Variants in CNTRL observed in about 807,000 individuals in gnomAD.
CNTRL encodes the protein 110 kDa centrosomal protein.
In CNTRL, 233 loss-of-function variants were observed where a neutral mutation model predicts 303.7. The ratio of observed to expected loss-of-function variants is 0.77; its 90% CI spans 0.69 to 0.86. The LOEUF is 0.86. CNTRL is among the 40% of genes least tolerant of loss of function. The pLI, the probability that CNTRL is intolerant of heterozygous loss-of-function variation, is 0.00. For synonymous variants in CNTRL, 900 were observed against 922.2 expected, an observed-to-expected ratio of 0.98 and a Z score of 0.44; for missense variants, 2,524 against 2,650.6, an observed-to-expected ratio of 0.95 and a Z score of 1.05.
At chr9:121,093,656 A>G (rs74379935) in intron 4 of CNTRL, among the ~76,000 whole-genome samples, 2,527 of 152,350 alleles carry the variant, frequency 0.017, 69 homozygotes, top group African/African-American at 0.058. Flanking sequence ...GGTGATTTAT[A>G]TAGAAGAAAT....
Position 121,177,384 on chromosome 9 carries a change from T to A in CNTRL, c.*198T>A, listed in dbSNP as rs2053568607. Reference sequence around the variant, plus strand: ...TTGTACATAGTACATATGGGAATAGTTGCATATGGGAATTTAAACCAACAT... The same window carrying A: ...TTGTACATAGTACATATGGGAATAGATGCATATGGGAATTTAAACCAACAT... On this transcript the variant is annotated 3_prime_UTR_variant, in exon 44 of 44. Coordinates refer to ENST00000373855, the MANE Select transcript of CNTRL (RefSeq NM_007018.6). 2.2e-6 allele frequency: 1 copy of A among 449,556 alleles called. No homozygotes were observed. Among genetic ancestry groups the A allele is most frequent in the Non-Finnish European group, 3.9e-6 (1 of 256,528 alleles). 27.8% of individuals were successfully genotyped at this position (449,556 alleles called of 1,614,324 possible).
chr9:121,116,898 G>A (rs2050001699), intron 11 of CNTRL, among the ~76,000 whole-genome samples: 1 of 152,208 alleles, frequency 6.6e-6, no homozygotes. Flanking sequence ...GAAAGTAGGA[G>A]ATGAGGTAGA....
In CNTRL at chr9:121,135,790, C is replaced by T; in HGVS notation, c.2026-16C>T. On this transcript the variant is annotated splice_polypyrimidine_tract_variant and intron_variant, in intron 14 of 43. Transcript: ENST00000373855. ...ACAGTGAGGGTTCCATAGTTAAACC[C>T]ACTGAATCTTTCTAGGAGCTTGCAG... 2 of 1,596,010 alleles carry T rather than the reference C, an allele frequency of 1.3e-6. No homozygotes were observed. The highest frequency in any genetic ancestry group is 1.1e-5 in the South Asian group (1 of 89,032).
At chr9:121,175,666 T>G (rs1309134271) in intron 43 of CNTRL, among the ~76,000 whole-genome samples, 1 of 152,194 alleles carries the variant, frequency 6.6e-6, no homozygotes, top group African/African-American at 2.4e-5. Context: ...AAATATAGAT[T>G]ATGCCGCCTT....
chr9:121,089,922 T>C (rs1416610686), intron 3 of CNTRL, among the ~76,000 whole-genome samples: 4 of 152,162 alleles, frequency 2.6e-5, no homozygotes, highest in Non-Finnish European at 5.9e-5. Context: ...AGCCCAAAGC[T>C]TGGCACACAC....
chr9:121,090,173 A>G lies in CNTRL; in HGVS notation c.218-102A>G. On this transcript the variant is annotated intron_variant, in intron 3 of 43. Transcript: ENST00000373855. ...AATAGCCAGCTTTTTTGGTATATTC[A>G]TGGCTTAATTTTTGTTTTTGTTACA... 8.8e-6 allele frequency: 9 copies of G among 1,028,274 alleles called. No homozygotes were observed. The Middle Eastern group carries it at 1.0e-3, about 119-fold the overall frequency. 63.7% of individuals were successfully genotyped at this position (1,028,274 alleles called of 1,614,324 possible). A position where few individuals can be genotyped will look rare whatever the true frequency, so the allele number is the denominator to read the frequency against.
rs2051749948 is a variant in CNTRL at position 121,144,928 on chromosome 9, T to G, written c.3137T>G (p.Leu1046Arg). Reference sequence around the variant, plus strand: ...CGAGCAGAAGCTGAGATCGAACTCCTGCAGAATCTCCTCAGGCAGAAGGGG... The same window carrying G: ...CGAGCAGAAGCTGAGATCGAACTCCGGCAGAATCTCCTCAGGCAGAAGGGG... ...LTRAEAEIELLQNLLRQKGEQ... is the reference protein window; with the variant it reads ...LTRAEAEIELRQNLLRQKGEQ... The change falls in exon 21 of 44, where the codon CTG becomes CGG. Residue 1046 changes from leucine (L) to arginine (R), a missense_variant. Coordinates refer to ENST00000373855, the MANE Select transcript of CNTRL (RefSeq NM_007018.6). The G allele has an allele frequency of 6.2e-7, 1 of 1,613,584 alleles. No individual in the cohort carries two copies. The highest frequency in any genetic ancestry group is 8.5e-7 in the Non-Finnish European group (1 of 1,179,870).
intron 4 of CNTRL, 21 bp from the exon 5 acceptor site, chr9:121,094,867 C>T (rs2132488954): frequency 6.6e-7 from 1 of 1,508,432 alleles, no homozygotes; most frequent in Non-Finnish European, 9.0e-7. Context: ...GTAAAGTATT[C>T]ATTCATTTGT....
chr9:121,122,665 A>T (rs969699466), intron 12 of CNTRL, among the ~76,000 whole-genome samples: 1 of 152,196 alleles, frequency 6.6e-6, no homozygotes, highest in Non-Finnish European at 1.5e-5. Context: ...TTGCCTCAGG[A>T]GACATGCAAG....
intron 9 of CNTRL, 34 bp from the exon 10 acceptor site, chr9:121,113,467 CT>C: frequency 3.2e-6 from 4 of 1,231,188 alleles, no homozygotes; most frequent in Non-Finnish European, 4.6e-6. Context: ...TTGGAGATCA[CT>C]TATTAAACCA....
rs1162879200 is a variant in CNTRL, at chr9:121,160,033, TTTCCAAA to T, written c.4930-107_4930-101del. The T allele has an allele frequency of 1.8e-4, 149 of 828,112 alleles. No individual in the cohort carries two copies. The East Asian group carries it at 4.7e-3, about 26-fold the overall frequency. 51.3% of individuals were successfully genotyped at this position (828,112 alleles called of 1,614,324 possible). On this transcript the variant is annotated intron_variant, in intron 31 of 43. Coordinates refer to ENST00000373855, the MANE Select transcript of CNTRL (RefSeq NM_007018.6). Reference sequence around the variant, plus strand: ...GACATAAAAGGCAAAAATGAGCTTGTTTCCAAATTAGAATTTCTATGATATAAAACAA... The same window carrying T: ...GACATAAAAGGCAAAAATGAGCTTGTTTAGAATTTCTATGATATAAAACAA...
At chr9:121,084,546 A>ATTTTT (rs375734045) in intron 2 of CNTRL, among the ~76,000 whole-genome samples, 1 of 145,440 alleles carries the variant, frequency 6.9e-6, no homozygotes, top group African/African-American at 2.5e-5. Flanking sequence ...AGAGGATGTC[A>ATTTTT]TTTTTTTTTT....
At chr9:121,107,513 A>ATTTT in intron 7 of CNTRL, among the ~76,000 whole-genome samples, 1 of 152,274 alleles carries the variant, frequency 6.6e-6, no homozygotes, top group Admixed American at 6.5e-5. Context: ...AAAATATTGC[A>ATTTT]TGTTTTTCAA....
At chr9:121,111,963 A>C (rs993909813) in intron 8 of CNTRL, among the ~76,000 whole-genome samples, 2 of 152,188 alleles carry the variant, frequency 1.3e-5, no homozygotes, top group African/African-American at 4.8e-5. Flanking sequence ...CAGCAACAAC[A>C]GTATGACAAT....
intron 25 of CNTRL, among the ~76,000 whole-genome samples, chr9:121,150,965 A>G (rs748724602): frequency 1.8e-4 from 28 of 152,230 alleles, no homozygotes; most frequent in Non-Finnish European, 3.8e-4. Flanking sequence ...ACATATATGT[A>G]TAATATGAGT....
intron 26 of CNTRL, among the ~76,000 whole-genome samples, chr9:121,153,755 C>T (rs2052413286): frequency 1.3e-5 from 2 of 152,182 alleles, no homozygotes; most frequent in Non-Finnish European, 2.9e-5. Flanking sequence ...TGTCATTTAA[C>T]CCAGACTGGC....
chr9:121,127,887 A>G (rs2050622939), intron 14 of CNTRL, among the ~76,000 whole-genome samples: 1 of 141,058 alleles, frequency 7.1e-6, no homozygotes, highest in African/African-American at 2.6e-5. Flanking sequence ...GAGTGAGAAC[A>G]TGCGGTGTTT....
At chr9:121,158,572 A>G (rs550899453) in intron 30 of CNTRL, 16 of 311,662 alleles carry the variant, frequency 5.1e-5, no homozygotes, top group Non-Finnish European at 8.2e-5. Context: ...AAATGGAATT[A>G]GGGTATAAAA....
At chr9:121,116,836 C>T (rs2049999103) in intron 11 of CNTRL, among the ~76,000 whole-genome samples, 1 of 152,130 alleles carries the variant, frequency 6.6e-6, no homozygotes, top group Non-Finnish European at 1.5e-5. Context: ...AGAAAGCCAG[C>T]TGATTCCAGG....
Sources: allele counts gnomAD v4.1 joint callset (sites outside exome capture counted in the v4.1 genomes callset), GRCh38; gene constraint gnomAD v4.1.1; transcripts MANE v1.5; gene names NCBI Gene and HGNC (gene_info 2026-07-23, HGNC 2026-07-21).